Variants in STXBP4 observed in about 807,000 individuals in gnomAD.
STXBP4 encodes syntaxin binding protein 4, also known as syntaxin-binding protein 4.
A neutral mutation model predicts 76.1 loss-of-function variants in STXBP4; 55 were observed. The observed-to-expected ratio is 0.72, with a 90% CI of 0.58 to 0.91. STXBP4 has a LOEUF of 0.91. Among genes scored for constraint, STXBP4 ranks in the 40% least tolerant of loss-of-function variants. The pLI is 0.00. For missense variants in STXBP4, 618 were observed against 636.9 expected (o/e 0.97, Z 0.32); for synonymous variants, 201 against 220.2 (o/e 0.91, Z 0.77).
intron 16 of STXBP4, among the ~76,000 whole-genome samples, chr17:55,127,163 C>A (rs1329667200): frequency 6.6e-6 from 1 of 152,174 alleles, no homozygotes; most frequent in Non-Finnish European, 1.5e-5. Context: ...ATCCCTTGTC[C>A]CAGGCAGCCC....
At chr17:55,150,628 C>T (rs1297714424) in intron 17 of STXBP4, among the ~76,000 whole-genome samples, 2 of 152,116 alleles carry the variant, frequency 1.3e-5, no homozygotes, top group Non-Finnish European at 2.9e-5. Flanking sequence ...TAGTGTCATA[C>T]ATATATGTAT....
chr17:55,101,501 T>C (rs903270374), intron 16 of STXBP4, among the ~76,000 whole-genome samples: 14 of 152,222 alleles, frequency 9.2e-5, no homozygotes, highest in Non-Finnish European at 1.0e-4. Flanking sequence ...TGATGTTGTC[T>C]CATTCAGCTT....
chr17:54,974,027 A>G (rs1360571999), intron 1 of STXBP4, among the ~76,000 whole-genome samples: 1 of 152,138 alleles, frequency 6.6e-6, no homozygotes, highest in Non-Finnish European at 1.5e-5. Context: ...CTTTCTATGG[A>G]TTATAAAGAT....
At chr17:55,038,646 G>T (rs555615010) in intron 10 of STXBP4, among the ~76,000 whole-genome samples, 1 of 152,022 alleles carries the variant, frequency 6.6e-6, no homozygotes, top group African/African-American at 2.4e-5. Context: ...CCTGCTGCTG[G>T]CACAAGGTTA....
At position 55,163,924 on chromosome 17, in the gene STXBP4, A is replaced by G. The variant is rs2080359084; in HGVS notation, c.*4013A>G. On this transcript the variant is annotated 3_prime_UTR_variant, in exon 18 of 18. Coordinates refer to ENST00000376352, the MANE Select transcript of STXBP4 (RefSeq NM_178509.6). ...ATATAGAGTCAAGTGATACTTTCAT[A>G]AAGTGTTTGCACAATTAGAAAATGT... 6.6e-6 allele frequency: 1 copy of G among 152,656 alleles called. No individual in the cohort carries two copies. The highest frequency in any genetic ancestry group is 2.4e-5 in the African/African-American group (1 of 41,458). 9.5% of individuals were successfully genotyped at this position (152,656 alleles called of 1,614,324 possible).
At position 55,103,967 on chromosome 17, in the gene STXBP4, A is replaced by G. The variant is rs559954929; in HGVS notation, c.1489+22784A>G. Among the ~76,000 whole-genome samples, 5 of 152,256 alleles carry G rather than the reference A, an allele frequency of 3.3e-5. No individual in the cohort carries two copies. In the East Asian group the frequency reaches 7.7e-4, roughly 23 times the overall value. Reference sequence around the variant, plus strand: ...GTATAGGAATGCTTGTGATTTTTGCACATTGATTTTGTATCCTGAGACTGC... The same window carrying G: ...GTATAGGAATGCTTGTGATTTTTGCGCATTGATTTTGTATCCTGAGACTGC... On this transcript the variant is annotated intron_variant, in intron 16 of 17. Coordinates refer to ENST00000376352, the MANE Select transcript of STXBP4 (RefSeq NM_178509.6).
intron 8 of STXBP4, among the ~76,000 whole-genome samples, chr17:55,011,509 T>TTTTTC (rs1555566819): frequency 5.2e-4 from 12 of 23,160 alleles, no homozygotes; most frequent in East Asian, 4.9e-3. Flanking sequence ...TTTCTTTTTC[T>TTTTTC]TTTTTTTTTT....
chr17:55,012,766 C>A (rs531095911), intron 8 of STXBP4, among the ~76,000 whole-genome samples: 1 of 152,286 alleles, frequency 6.6e-6, no homozygotes, highest in Admixed American at 6.5e-5. Flanking sequence ...CTGCATACCC[C>A]GCTTTTTGAG....
intron 16 of STXBP4, among the ~76,000 whole-genome samples, chr17:55,089,937 T>G (rs1015584785): frequency 7.9e-5 from 12 of 152,208 alleles, no homozygotes; most frequent in African/African-American, 2.6e-4. Flanking sequence ...TCAAAAGCAC[T>G]AGCTGTTACA....
At chr17:55,005,881 A>G (rs2077997630) in intron 7 of STXBP4, among the ~76,000 whole-genome samples, 1 of 152,120 alleles carries the variant, frequency 6.6e-6, no homozygotes, top group Non-Finnish European at 1.5e-5. Flanking sequence ...TCTTTATACT[A>G]CACTTTAGGT....
intron 16 of STXBP4, among the ~76,000 whole-genome samples, chr17:55,099,778 C>T (rs1040589611): frequency 4.6e-5 from 7 of 152,114 alleles, no homozygotes; most frequent in Admixed American, 2.0e-4. Context: ...AGCTGAAGCT[C>T]GGTATTGAAG....
At chr17:55,052,871 G>A (rs942484355) in intron 12 of STXBP4, among the ~76,000 whole-genome samples, 2 of 133,078 alleles carry the variant, frequency 1.5e-5, no homozygotes, top group Non-Finnish European at 3.1e-5. Flanking sequence ...CTCAAAATGA[G>A]AGAAAGTTTT....
rs118000837 is a variant in STXBP4 at position 55,040,350 on chromosome 17, A to G, written c.856-2886A>G. On this transcript the variant is annotated intron_variant, in intron 10 of 17. Transcript: ENST00000376352. The stretch of plus-strand genomic sequence containing the variant: ...GGAATGAGCAGGGAAATGGAAAGAG[A>G]AAAGAAGATACCCAGAAATTTTTAG... Among the ~76,000 whole-genome samples the G allele has an allele frequency of 3.2e-3, 482 of 152,278 alleles. 12 individuals carry two copies. Among genetic ancestry groups the G allele is most frequent in the East Asian group, 0.025 (130 of 5,182 alleles).
the STXBP4 span, among the ~76,000 whole-genome samples, chr17:55,192,337 A>G: frequency 6.6e-6 from 1 of 152,196 alleles, no homozygotes; most frequent in Non-Finnish European, 1.5e-5. Flanking sequence ...TGGAAAGGCA[A>G]TCCACTGTAA....
chr17:55,029,130 C>T (rs1014114290), intron 8 of STXBP4, among the ~76,000 whole-genome samples: 6 of 151,554 alleles, frequency 4.0e-5, no homozygotes, highest in Admixed American at 6.6e-5. Context: ...ATTCATACAA[C>T]GGATTACTGT....
At chr17:55,057,069 T>C (rs1443576637) in intron 12 of STXBP4, among the ~76,000 whole-genome samples, 1 of 152,022 alleles carries the variant, frequency 6.6e-6, no homozygotes, top group Non-Finnish European at 1.5e-5. Flanking sequence ...TAAACTCTTA[T>C]ACTTATCTAG....
chr17:55,102,575 T>C (rs1205901128), intron 16 of STXBP4, among the ~76,000 whole-genome samples: 1 of 152,218 alleles, frequency 6.6e-6, no homozygotes, highest in Non-Finnish European at 1.5e-5. Flanking sequence ...TGAACAGTGC[T>C]GCAGTAAACA....
At position 54,999,875 on chromosome 17, in the gene STXBP4, T is replaced by G. The variant is rs781610301; in HGVS notation, c.498+33T>G. ...AGGTAATCTTAAATTTCTCTATATA[T>G]GCACTCCATAAATTCCCTATACATT... is the stretch of plus-strand genomic sequence containing the variant. On this transcript the variant is annotated intron_variant, in intron 6 of 17. Transcript: ENST00000376352. 20 of 1,402,908 alleles carry G rather than the reference T, an allele frequency of 1.4e-5. No homozygotes were observed. The East Asian group carries it at 4.4e-4, about 31-fold the overall frequency. The allele number at this position is 1,402,908 out of a possible 1,614,324, so 86.9% of individuals were successfully genotyped here.
At position 55,164,475 on chromosome 17, in the gene STXBP4, G is replaced by C. The variant is rs1369812061; in HGVS notation, c.*4564G>C. The stretch of plus-strand genomic sequence containing the variant: ...TTTTTTTTTTTTGAGACGGAGTCTC[G>C]CTCTGTCGCCCAGGCGGGACTGCGG... On this transcript the variant is annotated 3_prime_UTR_variant, in exon 18 of 18. Transcript: ENST00000376352. 3.4e-5 allele frequency: 4 copies of C among 118,354 alleles called. No individual in the cohort carries two copies. The highest frequency in any genetic ancestry group is 5.3e-4 in the South Asian group (2 of 3,770). The allele number at this position is 118,354 out of a possible 1,614,324, so 7.3% of individuals were successfully genotyped here.
Sources: gnomAD v4.1 joint callset for allele counts (sites outside exome capture counted in the v4.1 genomes callset) on GRCh38, gnomAD v4.1.1 for gene constraint, MANE v1.5 for transcripts, NCBI Gene and HGNC (gene_info 2026-07-23, HGNC 2026-07-21) for gene names.